The following RARB variants were observed in gnomAD, a reference collection of about 807,000 sequenced individuals.
The protein encoded by RARB is HBV-activated protein.
RARB carries 17 observed loss-of-function variants against 51.9 expected under a neutral mutation model. The ratio of observed to expected loss-of-function variants is 0.33; its 90% CI spans 0.22 to 0.49. RARB has a LOEUF of 0.49. Ranked by LOEUF, RARB falls within the 20% of genes least tolerant of loss-of-function variation. The pLI is 0.99. For missense variants in RARB, 369 were observed against 550.8 expected (o/e 0.67, Z 3.30); for synonymous variants, 215 against 195.4 (o/e 1.10, Z -0.84).
At chr3:24,904,019 T>C (rs1694788354) in intron 2 of RARB, among the ~76,000 whole-genome samples, 1 of 152,186 alleles carries the variant, frequency 6.6e-6, no homozygotes, top group African/African-American at 2.4e-5. Context: ...ACCTGTGTCT[T>C]GTGGAATGAG....
intron 4 of RARB, among the ~76,000 whole-genome samples, chr3:25,143,733 T>C (rs1700145314): frequency 6.6e-6 from 1 of 152,238 alleles, no homozygotes; most frequent in Non-Finnish European, 1.5e-5. Flanking sequence ...GGAATTAGAC[T>C]GCTTGAGTTC....
At chr3:25,482,224 G>A (rs1200552734) in intron 2 of RARB, among the ~76,000 whole-genome samples, 1 of 152,154 alleles carries the variant, frequency 6.6e-6, no homozygotes, top group Admixed American at 6.5e-5. Flanking sequence ...GGTATGTCTG[G>A]CTTATCAAAC....
At chr3:25,357,524 C>T (rs1340555510) in intron 5 of RARB, among the ~76,000 whole-genome samples, 3 of 152,212 alleles carry the variant, frequency 2.0e-5, no homozygotes, top group East Asian at 1.9e-4. Context: ...AATTAGATCT[C>T]ATTTGTCAAT....
intron 3 of RARB, among the ~76,000 whole-genome samples, chr3:25,568,450 G>A (rs1368229198): frequency 6.6e-6 from 1 of 152,160 alleles, no homozygotes. Context: ...CTCCTGGTTA[G>A]GTAGGAGTGG....
intron 2 of RARB, among the ~76,000 whole-genome samples, chr3:24,991,336 G>T (rs552704951): frequency 6.6e-6 from 1 of 152,084 alleles, no homozygotes; most frequent in South Asian, 2.1e-4. Context: ...CCAGCTACTG[G>T]GGAGGCTGAG....
intron 2 of RARB, among the ~76,000 whole-genome samples, chr3:24,929,686 C>T (rs1484991898): frequency 6.6e-6 from 1 of 152,030 alleles, no homozygotes; most frequent in African/African-American, 2.4e-5. Context: ...CTGTTAAATT[C>T]TTATTCCTCT....
chr3:25,028,742 A>C (rs1395907232), intron 2 of RARB, among the ~76,000 whole-genome samples: 1 of 152,168 alleles, frequency 6.6e-6, no homozygotes, highest in Non-Finnish European at 1.5e-5. Flanking sequence ...TCCTGTGCTT[A>C]AGGGAACTTT....
At position 25,562,278 on chromosome 3, in the gene RARB, A is replaced by T. The variant is rs201763599; in HGVS notation, c.449-7480A>T. On this transcript the variant is annotated intron_variant, in intron 3 of 7. Transcript: ENST00000330688. ...TCAGAGGTTTTTTAAAAACAAGGTG[A>T]ATTGATCATACAGTAAGTGTGTGAG... is the stretch of plus-strand genomic sequence containing the variant. Among the ~76,000 whole-genome samples the T allele has an allele frequency of 2.0e-4, 30 of 152,212 alleles. No individual in the cohort carries two copies. The East Asian group carries it at 4.8e-3, about 24-fold the overall frequency.
At chr3:25,512,715 C>G (rs578035807) in intron 3 of RARB, among the ~76,000 whole-genome samples, 8 of 152,336 alleles carry the variant, frequency 5.3e-5, no homozygotes, top group African/African-American at 1.2e-4. Context: ...TTTCTAACAG[C>G]AAGGAGTGTG....
At chr3:25,191,232 A>G (rs1380254016) in intron 5 of RARB, among the ~76,000 whole-genome samples, 1 of 152,170 alleles carries the variant, frequency 6.6e-6, no homozygotes, top group Non-Finnish European at 1.5e-5. Flanking sequence ...ACTGGCAGCA[A>G]TATTGCATAA....
At chr3:25,035,877 G>A (rs1340227742) in intron 2 of RARB, among the ~76,000 whole-genome samples, 1 of 152,138 alleles carries the variant, frequency 6.6e-6, no homozygotes, top group Non-Finnish European at 1.5e-5. Context: ...CCTGCTGTGA[G>A]CCTCAGTGAC....
chr3:24,989,944 C>T lies in RARB; in HGVS notation c.-379-70181C>T, dbSNP rs1302892230. 3.1e-5 allele frequency among the ~76,000 whole-genome samples: 3 copies of T among 96,456 alleles called. 1 individual carries two copies. The highest frequency in any genetic ancestry group is 6.1e-5 in the Non-Finnish European group (3 of 49,258). The allele number at this position is 96,456 out of a possible 152,430, so 63.3% of individuals were successfully genotyped here. A position where few individuals can be genotyped will look rare whatever the true frequency, so the allele number is the denominator to read the frequency against. On this transcript the variant is annotated intron_variant, in intron 2 of 11. Transcript: ENST00000383772. Reference sequence around the variant, plus strand: ...CCTCCCGAGTAGCTGGGACTACAGGCGCCCGCCACCGCGCCCGGCTAATTT... The same window carrying T: ...CCTCCCGAGTAGCTGGGACTACAGGTGCCCGCCACCGCGCCCGGCTAATTT...
chr3:24,840,597 T>C (rs1366983183), intron 1 of RARB, among the ~76,000 whole-genome samples: 1 of 152,174 alleles, frequency 6.6e-6, no homozygotes, highest in South Asian at 2.1e-4. Context: ...GTATGACATA[T>C]AAAACCAAGT....
At chr3:25,485,217 T>A (rs755675441) in intron 2 of RARB, among the ~76,000 whole-genome samples, 1 of 152,254 alleles carries the variant, frequency 6.6e-6, no homozygotes, top group African/African-American at 2.4e-5. Flanking sequence ...CCACCTTATA[T>A]AACTCGTTTG....
At chr3:24,871,461 T>G (rs1702946631) in intron 2 of RARB, among the ~76,000 whole-genome samples, 1 of 152,138 alleles carries the variant, frequency 6.6e-6, no homozygotes, top group South Asian at 2.1e-4. Context: ...CTACATTTCC[T>G]CTTCTCAGTG....
intron 2 of RARB, among the ~76,000 whole-genome samples, chr3:24,882,356 A>G (rs190776392): frequency 3.0e-3 from 453 of 152,342 alleles, no homozygotes; most frequent in African/African-American, 0.01. Flanking sequence ...TATTCACTAA[A>G]CAATACAATA....
At chr3:25,004,584 G>A (rs772515648) in intron 2 of RARB, among the ~76,000 whole-genome samples, 1 of 152,008 alleles carries the variant, frequency 6.6e-6, no homozygotes, top group East Asian at 1.9e-4. Flanking sequence ...CCTCTTAATG[G>A]TCTCACCTCT....
At chr3:25,542,577 A>C (rs184469809) in intron 3 of RARB, among the ~76,000 whole-genome samples, 152 of 152,352 alleles carry the variant, frequency 1.0e-3, no homozygotes, top group African/African-American at 3.2e-3. Flanking sequence ...GTCTTAACTC[A>C]TCTAAGAATG....
chr3:24,878,889 T>C (rs984178180), intron 2 of RARB, among the ~76,000 whole-genome samples: 2 of 152,170 alleles, frequency 1.3e-5, no homozygotes, highest in African/African-American at 2.4e-5. Flanking sequence ...GTTGAAGATA[T>C]TTTATTTCAT....
Sources: gnomAD v4.1 joint callset for allele counts (sites outside exome capture counted in the v4.1 genomes callset) on GRCh38, gnomAD v4.1.1 for gene constraint, MANE v1.5 for transcripts, NCBI Gene and HGNC (gene_info 2026-07-23, HGNC 2026-07-21) for gene names.